RCC1: variants seen among roughly 807,000 people sequenced by gnomAD.
RCC1 encodes regulator of chromosome condensation 1, also known as regulator of chromosome condensation.
In RCC1, 11 loss-of-function variants were observed where a neutral mutation model predicts 44.4. The ratio of observed to expected loss-of-function variants is 0.25; its 90% CI spans 0.16 to 0.41. The LOEUF (loss-of-function observed/expected upper bound fraction) is 0.41. Ranked by LOEUF, RCC1 falls within the 10% of genes least tolerant of loss-of-function variation. The pLI, the probability that RCC1 is intolerant of heterozygous loss-of-function variation, is 1.00. For synonymous variants in RCC1, 213 were observed against 216.5 expected (o/e 0.98, Z 0.14); for missense variants, 386 against 547.1 (o/e 0.71, Z 2.94).
intron 5 of RCC1, chr1:28,530,460 A>C (rs566845450): frequency 1.4e-6 from 2 of 1,473,394 alleles, no homozygotes; most frequent in East Asian, 4.7e-5. Flanking sequence ...AGGAGAGAAA[A>C]GCCAGCACCA....
intron 7 of RCC1, among the ~76,000 whole-genome samples, chr1:28,534,121 G>A (rs1001596224): frequency 8.6e-5 from 13 of 151,750 alleles, no homozygotes; most frequent in South Asian, 2.1e-4. Context: ...CAGGTGATCC[G>A]CCCGTCTGGG....
At chr1:28,519,739 A>T (rs1557871554) in intron 4 of RCC1, among the ~76,000 whole-genome samples, 1 of 139,518 alleles carries the variant, frequency 7.2e-6, no homozygotes, top group Non-Finnish European at 1.6e-5. Context: ...TAATTTTTGT[A>T]TTTTTTTTTT....
intron 1 of RCC1, chr1:28,507,113 T>C (rs1284940905): frequency 8.5e-6 from 2 of 234,058 alleles, no homozygotes; most frequent in East Asian, 1.1e-4. Context: ...GTGTTTCATT[T>C]GAATTTAGGA....
chr1:28,533,854 T>C (rs1361312562), intron 7 of RCC1, among the ~76,000 whole-genome samples: 4 of 13,192 alleles, frequency 3.0e-4, no homozygotes, highest in African/African-American at 1.7e-3. Context: ...TCTTTTTTTT[T>C]TTTTTTTTTT....
intron 3 of RCC1, among the ~76,000 whole-genome samples, chr1:28,514,042 G>A (rs910485040): frequency 6.6e-5 from 10 of 151,916 alleles, no homozygotes; most frequent in South Asian, 2.1e-4. Context: ...GGTGGTGCTC[G>A]CCTGTAGTCT....
chr1:28,516,636 C>T, intron 3 of RCC1, 89 bp from the exon 4 acceptor site: 1 of 242,380 alleles, frequency 4.1e-6, no homozygotes. Context: ...AACAAATGAG[C>T]TGACATGGAT....
chr1:28,537,963 G>T lies in RCC1; in HGVS notation c.1222G>T (p.Gly408Cys). The T allele has an allele frequency of 6.2e-7, 1 of 1,613,914 alleles. No homozygotes were observed. Among genetic ancestry groups the T allele is most frequent in the Non-Finnish European group, 8.5e-7 (1 of 1,179,974 alleles). The change falls in exon 13 of 13, where the codon GGC becomes TGC. Residue 408 changes from glycine (G) to cysteine (C), a missense_variant. Coordinates refer to ENST00000683442, the MANE Select transcript of RCC1 (RefSeq NM_001381865.2). ...TGTGGTCTTATCTGTGTCCAGCGGG[G>T]GCCAGCATACAGTCTTATTAGTCAA... ...NRVVLSVSSG[G>C]QHTVLLVKDK...
At chr1:28,510,068 C>T (rs962024654) in intron 3 of RCC1, 3 of 152,166 alleles carry the variant, frequency 2.0e-5, no homozygotes, top group Non-Finnish European at 2.9e-5. Context: ...ATGTTCAGTA[C>T]CCTGAAGGAT....
intron 3 of RCC1, among the ~76,000 whole-genome samples, chr1:28,511,304 G>T (rs1662519899): frequency 6.6e-6 from 1 of 152,082 alleles, no homozygotes; most frequent in Admixed American, 6.6e-5. Flanking sequence ...AGATTCTTAG[G>T]GTCTCTAGAT....
intron 3 of RCC1, chr1:28,509,506 T>G (rs1662334367): frequency 6.5e-6 from 1 of 153,196 alleles, no homozygotes. Context: ...CCTAAAGTGC[T>G]GGGATTACAG....
intron 4 of RCC1, 150 bp downstream of exon 4, chr1:28,517,017 A>T: frequency 2.6e-6 from 1 of 382,960 alleles, no homozygotes; most frequent in Non-Finnish European, 5.2e-6. Flanking sequence ...GCTATTTGGG[A>T]GGCTGAGGCA....
At chr1:28,507,141 TGTC>T (rs372690146) in intron 1 of RCC1, 30 of 272,556 alleles carry the variant, frequency 1.1e-4, no homozygotes, top group African/African-American at 6.0e-4. Flanking sequence ...GCCTAATTGT[TGTC>T]TTTGCTTCTG....
Position 28,533,845 on chromosome 1 carries a change from C to CTTTTTTTTTTTTTTTTTTTTTTT in RCC1, c.442-1177_442-1155dup, listed in dbSNP as rs1168443435. On this transcript the variant is annotated intron_variant, in intron 7 of 12. Coordinates refer to ENST00000683442, the MANE Select transcript of RCC1 (RefSeq NM_001381865.2). ...ATATTTTTTTCTTTTCTTTTCTTTT[C>CTTTTTTTTTTTTTTTTTTTTTTT]TTTTTTTTTTTTTTTTTTTTTTTTT... is the stretch of plus-strand genomic sequence containing the variant. 3.4e-4 allele frequency among the ~76,000 whole-genome samples: 16 copies of CTTTTTTTTTTTTTTTTTTTTTTT among 46,874 alleles called. 5 individuals carry two copies. The highest frequency in any genetic ancestry group is 7.4e-4 in the Admixed American group (2 of 2,698). The allele number at this position is 46,874 out of a possible 152,430, so 30.8% of individuals were successfully genotyped here.
At position 28,506,101 on chromosome 1, in the gene RCC1, G is replaced by C. The variant is rs777672645; in HGVS notation, c.-262+17G>C. The C allele has an allele frequency of 1.3e-5, 6 of 455,742 alleles. No individual in the cohort carries two copies. Among genetic ancestry groups the C allele is most frequent in the Non-Finnish European group, 2.6e-5 (6 of 226,750 alleles). 28.2% of individuals were successfully genotyped at this position (455,742 alleles called of 1,614,324 possible). The stretch of plus-strand genomic sequence containing the variant: ...TTCTCCTTGGTAAGTGTGATCCTTG[G>C]TAAGTGTGATCAGATGCTTGCCACC... On this transcript the variant is annotated intron_variant, in intron 1 of 12. Transcript: ENST00000683442.
chr1:28,510,590 T>TGTC (rs1344257802), intron 3 of RCC1: 38 of 152,262 alleles, frequency 2.5e-4, no homozygotes, highest in Admixed American at 1.6e-3. Context: ...GTGACAGAGT[T>TGTC]AAGTCTCAAA....
At position 28,538,227 on chromosome 1, in the gene RCC1, T is replaced by C; in HGVS notation, c.*220T>C. The C allele has an allele frequency of 1.3e-5, 5 of 370,490 alleles. No individual in the cohort carries two copies. The highest frequency in any genetic ancestry group is 1.1e-4 in the East Asian group (2 of 18,740). 23.0% of individuals were successfully genotyped at this position (370,490 alleles called of 1,614,324 possible). ...AATAAAGGGGGGGATGGACAGGGGGTTTTCAAAAGGAACATGGCTCACTCA... is the reference window on the plus strand; with the variant it reads ...AATAAAGGGGGGGATGGACAGGGGGCTTTCAAAAGGAACATGGCTCACTCA... On this transcript the variant is annotated 3_prime_UTR_variant, in exon 13 of 13. Transcript: ENST00000683442.
chr1:28,533,724 C>G (rs1411619263), intron 7 of RCC1, among the ~76,000 whole-genome samples: 2 of 117,628 alleles, frequency 1.7e-5, no homozygotes, highest in Non-Finnish European at 3.3e-5. Flanking sequence ...GAGCCGAGAT[C>G]GCGCCATTGC....
At chr1:28,515,447 T>A (rs1192225150) in intron 3 of RCC1, among the ~76,000 whole-genome samples, 1 of 149,528 alleles carries the variant, frequency 6.7e-6, no homozygotes, top group Non-Finnish European at 1.5e-5. Context: ...CTGGGCGCAG[T>A]AGTTCACACG....
At chr1:28,508,265 CCT>C (rs1662189828) in intron 2 of RCC1, 105 bp downstream of exon 2, 5 of 367,068 alleles carry the variant, frequency 1.4e-5, no homozygotes, top group Non-Finnish European at 2.7e-5. Flanking sequence ...TCAGGATTTA[CCT>C]CTGAGGCATT....
Sources: allele counts gnomAD v4.1 joint callset (sites outside exome capture counted in the v4.1 genomes callset), GRCh38; gene constraint gnomAD v4.1.1; transcripts MANE v1.5; gene names NCBI Gene and HGNC (gene_info 2026-07-23, HGNC 2026-07-21).